The following FBXO34 variants were observed in gnomAD, a reference collection of about 807,000 sequenced individuals.
FBXO34 encodes the protein F-box protein 34, also known as F-box only protein 34.
FBXO34 carries 12 observed loss-of-function variants against 24.5 expected under a neutral mutation model. That is an observed-to-expected ratio of 0.49 (90% CI 0.31 to 0.79). The LOEUF is 0.79. FBXO34 is among the 30% of genes least tolerant of loss of function. FBXO34 has a pLI of 0.04. For synonymous variants in FBXO34, 320 were observed against 311.9 expected (o/e 1.03, Z -0.27); for missense variants, 823 against 857.7 (o/e 0.96, Z 0.51).
At chr14:55,294,266 A>G (rs914378642) in intron 1 of FBXO34, among the ~76,000 whole-genome samples, 1 of 152,016 alleles carries the variant, frequency 6.6e-6, no homozygotes, top group African/African-American at 2.4e-5. Flanking sequence ...TGTTCACTGT[A>G]TTCCAGGTGC....
In FBXO34 at chr14:55,353,305, A is replaced by G. The variant is rs375568534; in HGVS notation, c.*779A>G. The G allele has an allele frequency of 1.2e-5, 2 of 166,808 alleles. No homozygotes were observed. The highest frequency in any genetic ancestry group is 1.3e-4 in the Admixed American group (2 of 15,252). The allele number at this position is 166,808 out of a possible 1,614,324, so 10.3% of individuals were successfully genotyped here. On this transcript the variant is annotated 3_prime_UTR_variant, in exon 2 of 2. Transcript: ENST00000313833. ...TTTTTTTTTAATTGTCTAGTCTTAA[A>G]TTTGTACATCTTGTATAAAATATGA...
chr14:55,425,858 G>C, the FBXO34 span, among the ~76,000 whole-genome samples: 1 of 152,086 alleles, frequency 6.6e-6, no homozygotes, highest in Non-Finnish European at 1.5e-5. Flanking sequence ...ATCTCTATGT[G>C]GGCAAGGGAC....
At chr14:55,424,149 T>C in the FBXO34 span, 1 of 1,599,960 alleles carries the variant, frequency 6.3e-7, no homozygotes, top group Admixed American at 1.7e-5. Context: ...AAAATAATCT[T>C]AGCACTTACC....
At chr14:55,390,651 G>T in the FBXO34 span, among the ~76,000 whole-genome samples, 5 of 152,224 alleles carry the variant, frequency 3.3e-5, no homozygotes, top group African/African-American at 9.6e-5. Context: ...GATTACAGGC[G>T]TGAGCTACCA....
rs766001648 is a variant in FBXO34, at chr14:55,351,244, A to G, written c.854A>G (p.Lys285Arg). ...EPVRVLDMVA[K>R]LESECLKRQG... ...GTCCGTGTCCTTGACATGGTAGCCA[A>G]GTTGGAGTCTGAGTGCCTGAAGCGG... The change falls in exon 2 of 2, where the codon AAG becomes AGG. Residue 285 changes from lysine (K) to arginine (R), a missense_variant. Physicochemically the swap from Lys to Arg is conservative, Grantham distance 26. Coordinates refer to ENST00000313833, the MANE Select transcript of FBXO34 (RefSeq NM_017943.4). The G allele has an allele frequency of 2.5e-6, 4 of 1,614,182 alleles. No individual in the cohort carries two copies. The highest frequency in any genetic ancestry group is 2.2e-5 in the East Asian group (1 of 44,892).
At chr14:55,284,937 GTTGTC>G (rs1437088763) in intron 1 of FBXO34, among the ~76,000 whole-genome samples, 1 of 149,576 alleles carries the variant, frequency 6.7e-6, no homozygotes, top group Non-Finnish European at 1.5e-5. Flanking sequence ...TCTTACTGCA[GTTGTC>G]TTGTTTTGTT....
At chr14:55,428,117 A>ATTTTTTTTTT in the FBXO34 span, among the ~76,000 whole-genome samples, 3 of 48,330 alleles carry the variant, frequency 6.2e-5, no homozygotes, top group Non-Finnish European at 1.2e-4. Context: ...CACATGCCTT[A>ATTTTTTTTTT]TCTTTTTTTT....
the FBXO34 span, among the ~76,000 whole-genome samples, chr14:55,428,069 C>T: frequency 6.7e-6 from 1 of 148,588 alleles, no homozygotes; most frequent in Non-Finnish European, 1.5e-5. Context: ...TCTCCCCTCA[C>T]CAGCTGTCAA....
At chr14:55,403,612 G>A in the FBXO34 span, among the ~76,000 whole-genome samples, 1 of 152,040 alleles carries the variant, frequency 6.6e-6, no homozygotes, top group Non-Finnish European at 1.5e-5. Flanking sequence ...GTTTACAGCT[G>A]TAAAAGGAAT....
chr14:55,432,084 G>A, the FBXO34 span, among the ~76,000 whole-genome samples: 2 of 152,052 alleles, frequency 1.3e-5, no homozygotes, highest in Admixed American at 6.6e-5. Flanking sequence ...GATAAAATGA[G>A]TATACCCTTC....
chr14:55,426,097 T>C, the FBXO34 span, among the ~76,000 whole-genome samples: 1 of 151,952 alleles, frequency 6.6e-6, no homozygotes, highest in Non-Finnish European at 1.5e-5. Context: ...TAAAACCTCG[T>C]CTCTACTAAA....
the FBXO34 span, chr14:55,428,974 A>T: frequency 6.2e-7 from 1 of 1,613,970 alleles, no homozygotes; most frequent in South Asian, 1.1e-5. Flanking sequence ...ACTGCTCTTC[A>T]CTGGGGAGGG....
At chr14:55,295,161 A>C (rs1290229071) in intron 1 of FBXO34, among the ~76,000 whole-genome samples, 2 of 152,088 alleles carry the variant, frequency 1.3e-5, no homozygotes, top group African/African-American at 4.8e-5. Context: ...AACCATCCTA[A>C]ATTGGGAACC....
At chr14:55,355,377 G>T (rs11621265), downstream of FBXO34, among the ~76,000 whole-genome samples, 37,937 of 152,054 alleles carry the variant, frequency 0.25, 4,855 homozygotes, top group Non-Finnish European at 0.26. Context: ...TTGGCTGGGT[G>T]CCTTTCAGCG....
the FBXO34 span, among the ~76,000 whole-genome samples, chr14:55,401,589 G>A: frequency 6.6e-6 from 1 of 152,050 alleles, no homozygotes; most frequent in Non-Finnish European, 1.5e-5. Flanking sequence ...CCCCTAAAAA[G>A]TATTCTCTCA....
At chr14:55,303,161 T>G (rs1882422868) in intron 1 of FBXO34, among the ~76,000 whole-genome samples, 1 of 152,182 alleles carries the variant, frequency 6.6e-6, no homozygotes, top group Admixed American at 6.5e-5. Context: ...ATTCTTTAAA[T>G]TTTGAGTGCC....
At chr14:55,414,555 TGAC>T in the FBXO34 span, 4 of 860,072 alleles carry the variant, frequency 4.7e-6, no homozygotes, top group Non-Finnish European at 7.0e-6. Context: ...ACTTTTAATA[TGAC>T]ATCTCTTTAG....
the FBXO34 span, among the ~76,000 whole-genome samples, chr14:55,441,141 C>T: frequency 6.6e-6 from 1 of 152,072 alleles, no homozygotes; most frequent in Admixed American, 6.5e-5. Flanking sequence ...CCACTGCACC[C>T]AGCCGTTTTT....
chr14:55,361,653 T>G (rs973009633), intron 3 of FBXO34: 1 of 152,264 alleles, frequency 6.6e-6, no homozygotes, highest in African/African-American at 2.4e-5. Context: ...ATCTGTTGTT[T>G]AGTGTAACCA....
Sources: allele counts gnomAD v4.1 joint callset (sites outside exome capture counted in the v4.1 genomes callset), GRCh38; gene constraint gnomAD v4.1.1; transcripts MANE v1.5; gene names NCBI Gene and HGNC (gene_info 2026-07-23, HGNC 2026-07-21).